Variants in SYNPR observed in about 807,000 individuals in gnomAD.
The protein encoded by SYNPR is synaptoporin.
Under a neutral mutation model 32.9 loss-of-function variants are expected in SYNPR, and 23 were observed. That is an observed-to-expected ratio of 0.70 (90% CI 0.50 to 0.99). The LOEUF is 0.99. Ranked by LOEUF, SYNPR falls within the 50% of genes least tolerant of loss-of-function variation. The pLI is 0.00. For missense variants in SYNPR, 318 were observed against 349.3 expected (o/e 0.91, Z 0.71); for synonymous variants, 146 against 135.9 (o/e 1.07, Z -0.52).
At chr3:63,557,119 T>C (rs1376706286) in intron 4 of SYNPR, among the ~76,000 whole-genome samples, 1 of 152,134 alleles carries the variant, frequency 6.6e-6, no homozygotes. Flanking sequence ...TCTCTGTATA[T>C]CTATCTATCT....
chr3:63,545,261 G>C (rs765849721), intron 3 of SYNPR, among the ~76,000 whole-genome samples: 1 of 152,040 alleles, frequency 6.6e-6, no homozygotes, highest in Admixed American at 6.6e-5. Flanking sequence ...GAAACTTTTA[G>C]AACCCAGCTC....
intron 3 of SYNPR, among the ~76,000 whole-genome samples, chr3:63,483,619 G>A (rs72885486): frequency 0.021 from 3,172 of 152,090 alleles, 122 homozygotes; most frequent in African/African-American, 0.073. Context: ...TTTTAAAAAC[G>A]CTCTTTAAAA....
intron 2 of SYNPR, among the ~76,000 whole-genome samples, chr3:63,385,081 C>A (rs2088023337): frequency 6.6e-6 from 1 of 152,062 alleles, no homozygotes; most frequent in African/African-American, 2.4e-5. Context: ...CAGTCATCTA[C>A]CCTACTTTCT....
At chr3:63,340,415 AT>A (rs1159797574) in intron 2 of SYNPR, among the ~76,000 whole-genome samples, 1 of 119,504 alleles carries the variant, frequency 8.4e-6, no homozygotes, top group African/African-American at 3.0e-5. Context: ...ATTAAAAAAA[AT>A]GTATTTTTTT....
At chr3:63,518,888 A>C (rs1403834404) in intron 3 of SYNPR, among the ~76,000 whole-genome samples, 2 of 152,190 alleles carry the variant, frequency 1.3e-5, no homozygotes, top group East Asian at 1.9e-4. Flanking sequence ...TATGTTCATC[A>C]CAGCACTATT....
chr3:63,478,841 A>G (rs4688401), intron 2 of SYNPR, among the ~76,000 whole-genome samples: 65,477 of 152,108 alleles, frequency 0.43, 14,107 homozygotes, highest in East Asian at 0.49. Context: ...TACCAAAGAC[A>G]CTATCTTGAC....
chr3:63,439,223 T>C (rs1362698985), intron 2 of SYNPR, among the ~76,000 whole-genome samples: 1 of 152,220 alleles, frequency 6.6e-6, no homozygotes, highest in Admixed American at 6.5e-5. Context: ...AAATTAGCAT[T>C]GCTAATGAGG....
intron 2 of SYNPR, among the ~76,000 whole-genome samples, chr3:63,446,296 T>TA (rs912214753): frequency 2.1e-4 from 32 of 151,198 alleles, no homozygotes; most frequent in East Asian, 1.6e-3. Context: ...TTTTTTTTTT[T>TA]AATTTCTATT....
chr3:63,305,813 C>G (rs2086904088), intron 2 of SYNPR, among the ~76,000 whole-genome samples: 1 of 152,008 alleles, frequency 6.6e-6, no homozygotes, highest in Admixed American at 6.6e-5. Context: ...AGGATGATAA[C>G]TTATCCTGGA....
intron 2 of SYNPR, among the ~76,000 whole-genome samples, chr3:63,425,949 A>AT (rs1233797863): frequency 3.3e-5 from 5 of 150,238 alleles, no homozygotes; most frequent in Admixed American, 6.7e-5. Context: ...CGCCCAGCTA[A>AT]TTTTTTTTTG....
chr3:63,615,254 G>T lies in SYNPR; in HGVS notation c.631G>T (p.Ala211Ser). The T allele has an allele frequency of 5.0e-6, 8 of 1,613,632 alleles. No individual in the cohort carries two copies. Among genetic ancestry groups the T allele is most frequent in the Non-Finnish European group, 6.8e-6 (8 of 1,179,720 alleles). The change falls in exon 6 of 6, where the codon GCT (alanine) becomes TCT (serine). Residue 211 changes from alanine (A) to serine (S), a missense_variant. Transcript: ENST00000478300. ...TGGATTCTTGAACTTTATTCTCTGG[G>T]CTGGAAACATATGGTTTGTTTTCAA... is the stretch of plus-strand genomic sequence containing the variant. ...VFGFLNFILW[A>S]GNIWFVFKET... is the part of the protein sequence containing the mutation.
rs574316656 is a variant in SYNPR, at chr3:63,417,035, T to C, written c.85-63797T>C. 7.9e-5 allele frequency among the ~76,000 whole-genome samples: 12 copies of C among 152,276 alleles called. No individual in the cohort carries two copies. The East Asian group carries it at 1.4e-3, about 17-fold the overall frequency. On this transcript the variant is annotated intron_variant, in intron 2 of 5. Coordinates refer to ENST00000478300, the MANE Select transcript of SYNPR (RefSeq NM_001130003.2). ...CCCAAAGGCTTAACTCATTTCAGCA[T>C]TAACTCGAAAATCCACAGTCCAAAA...
intron 2 of SYNPR, among the ~76,000 whole-genome samples, chr3:63,381,264 C>A (rs1207612172): frequency 6.6e-6 from 1 of 152,154 alleles, no homozygotes; most frequent in Non-Finnish European, 1.5e-5. Flanking sequence ...CAATAACAGA[C>A]AAACAGAGAG....
chr3:63,476,144 A>AG (rs1700903669), intron 2 of SYNPR, among the ~76,000 whole-genome samples: 2 of 29,114 alleles, frequency 6.9e-5, no homozygotes, highest in African/African-American at 4.9e-4. Flanking sequence ...GAAGGAAGGA[A>AG]GGAAGGGAGG....
At chr3:63,567,648 A>G (rs1311062454) in intron 4 of SYNPR, among the ~76,000 whole-genome samples, 2 of 152,308 alleles carry the variant, frequency 1.3e-5, no homozygotes, top group Admixed American at 1.3e-4. Flanking sequence ...GGACATCTTC[A>G]TTTCCATTGC....
intron 3 of SYNPR, among the ~76,000 whole-genome samples, chr3:63,527,319 G>A (rs1339542234): frequency 1.3e-5 from 2 of 152,030 alleles, no homozygotes; most frequent in African/African-American, 2.4e-5. Flanking sequence ...CTCATGGAGA[G>A]GAGATCCTAG....
chr3:63,578,569 G>GA (rs1193561354), intron 4 of SYNPR, among the ~76,000 whole-genome samples: 1 of 152,152 alleles, frequency 6.6e-6, no homozygotes, highest in African/African-American at 2.4e-5. Context: ...CGGATAAATA[G>GA]AAAAAGGGCT....
chr3:63,521,767 C>T (rs564466271), intron 3 of SYNPR, among the ~76,000 whole-genome samples: 1 of 152,292 alleles, frequency 6.6e-6, no homozygotes, highest in Admixed American at 6.5e-5. Context: ...AAACACTTGG[C>T]ACATTCAAGT....
chr3:63,278,305 C>T (rs1369766193), upstream of SYNPR: 12 of 582,400 alleles, frequency 2.1e-5, no homozygotes, highest in Non-Finnish European at 3.4e-5. Context: ...CTCTTCCCTG[C>T]CCACCCCTCG....
Sources: gnomAD v4.1 joint callset for allele counts (sites outside exome capture counted in the v4.1 genomes callset) on GRCh38, gnomAD v4.1.1 for gene constraint, MANE v1.5 for transcripts, NCBI Gene and HGNC (gene_info 2026-07-23, HGNC 2026-07-21) for gene names.